The following CFAP119 variants were observed in gnomAD, a reference collection of about 807,000 sequenced individuals.
CFAP119 encodes cilia and flagella associated protein 119.
the CFAP119 span, chr16:30,759,116 C>T: frequency 3.7e-6 from 6 of 1,614,178 alleles, no homozygotes; most frequent in Non-Finnish European, 5.1e-6. Flanking sequence ...AAACCAGAAG[C>T]AGGAAGAGAC....
the CFAP119 span, chr16:30,758,925 A>C: frequency 1.9e-6 from 3 of 1,547,010 alleles, no homozygotes; most frequent in Non-Finnish European, 2.6e-6. Flanking sequence ...ACTAAAAACA[A>C]AAAGTCTGAA....
At chr16:30,761,791 G>C in the CFAP119 span, 2 of 1,482,230 alleles carry the variant, frequency 1.3e-6, no homozygotes, top group Non-Finnish European at 1.8e-6. Flanking sequence ...GGCTCCCGCC[G>C]CCTAGGTTCC....
chr16:30,758,549 T>TTTTG, the CFAP119 span: 633 of 206,356 alleles, frequency 3.1e-3, 2 homozygotes, highest in Admixed American at 9.1e-3. Context: ...CAGCTGTGCT[T>TTTTG]TTTGTTTGTT....
At chr16:30,759,974 AAT>A in the CFAP119 span, 1 of 1,455,128 alleles carries the variant, frequency 6.9e-7, no homozygotes, top group Non-Finnish European at 9.0e-7. Context: ...TAAACCAAGA[AAT>A]AGATCATTTC....
At chr16:30,761,947 T>G in the CFAP119 span, 1 of 592,954 alleles carries the variant, frequency 1.7e-6, no homozygotes, top group Non-Finnish European at 2.9e-6. Flanking sequence ...AGGGGGCTTG[T>G]GAGGGAAGGA....
At chr16:30,758,827 G>T in the CFAP119 span, 1 of 997,458 alleles carries the variant, frequency 1.0e-6, no homozygotes, top group East Asian at 2.6e-5. Context: ...GGGATTACAG[G>T]TGTGAGCCAC....
chr16:30,759,830 G>A, the CFAP119 span: 1 of 1,493,402 alleles, frequency 6.7e-7, no homozygotes, highest in Non-Finnish European at 8.9e-7. Flanking sequence ...AGACAGATCT[G>A]GGTTTCAGCA....
At chr16:30,760,552 C>T in the CFAP119 span, 3 of 1,589,390 alleles carry the variant, frequency 1.9e-6, no homozygotes, top group Non-Finnish European at 2.6e-6. Flanking sequence ...GTTTTCCCAA[C>T]CTGACCCCTC....
At chr16:30,760,134 A>AT in the CFAP119 span, 2 of 1,560,030 alleles carry the variant, frequency 1.3e-6, no homozygotes, top group Non-Finnish European at 1.7e-6. Flanking sequence ...GAAGCAGTGG[A>AT]TTGGAAAGCT....
chr16:30,760,248 C>G, the CFAP119 span: 2 of 1,613,958 alleles, frequency 1.2e-6, no homozygotes, highest in Non-Finnish European at 1.7e-6. Context: ...TTCCTCTTCT[C>G]CCTGGGGCTC....
the CFAP119 span, chr16:30,757,562 T>C: frequency 6.8e-6 from 11 of 1,614,148 alleles, no homozygotes; most frequent in Non-Finnish European, 7.6e-6. Context: ...CTTTCCTCGC[T>C]GGCCTTGAGC....
the CFAP119 span, chr16:30,761,476 G>A: frequency 1.3e-6 from 2 of 1,525,790 alleles, no homozygotes; most frequent in Non-Finnish European, 1.8e-6. Context: ...TAAGCATAAT[G>A]ACAGGTGGCG....
the CFAP119 span, chr16:30,761,867 ACG>A: frequency 1.0e-6 from 1 of 996,510 alleles, no homozygotes; most frequent in Non-Finnish European, 1.4e-6. Flanking sequence ...CGGCCAATCT[ACG>A]CGCGGAGAGG....
the CFAP119 span, chr16:30,759,296 G>T: frequency 1.5e-5 from 25 of 1,613,062 alleles, no homozygotes; most frequent in South Asian, 2.7e-4. Flanking sequence ...CTGTGCTGAG[G>T]GGAGGGGCGG....
At chr16:30,760,822 G>T in the CFAP119 span, 1 of 701,770 alleles carries the variant, frequency 1.4e-6, no homozygotes, top group Non-Finnish European at 2.5e-6. Context: ...AACTCTCTGG[G>T]CCTAAATGAA....
At chr16:30,761,518 G>A in the CFAP119 span, 2 of 1,535,542 alleles carry the variant, frequency 1.3e-6, no homozygotes, top group Non-Finnish European at 1.7e-6. Context: ...AAATATTCAC[G>A]AGCAGACCAG....
chr16:30,760,115 C>A, the CFAP119 span: 1 of 1,544,360 alleles, frequency 6.5e-7, no homozygotes, highest in Non-Finnish European at 8.7e-7. Context: ...TCCTTAATTT[C>A]TAGATAAGGA....
chr16:30,758,541 G>C, the CFAP119 span: 1 of 209,044 alleles, frequency 4.8e-6, no homozygotes, highest in Non-Finnish European at 9.7e-6. Flanking sequence ...AGCCACTTCA[G>C]CTGTGCTTTT....
the CFAP119 span, chr16:30,757,608 T>C: frequency 6.2e-7 from 1 of 1,614,136 alleles, no homozygotes; most frequent in African/African-American, 1.3e-5. Flanking sequence ...GCTCCAGCTC[T>C]TTGTTCACTT....
Sources: gnomAD v4.1 joint callset for allele counts on GRCh38, gnomAD v4.1.1 for gene constraint, MANE v1.5 for transcripts, NCBI Gene and HGNC (gene_info 2026-07-23, HGNC 2026-07-21) for gene names.